Variants in MYT1L observed in about 807,000 individuals in gnomAD.
MYT1L encodes the protein myelin transcription factor 1-like protein.
A neutral mutation model predicts 126.7 loss-of-function variants in MYT1L; 12 were observed. That is an observed-to-expected ratio of 0.09 (90% confidence interval 0.06 to 0.15). The LOEUF (loss-of-function observed/expected upper bound fraction) is 0.15. Among genes scored for constraint, MYT1L ranks in the 10% least tolerant of loss-of-function variants. The pLI is 1.00. For missense variants in MYT1L, 979 were observed against 1,585.2 expected (o/e 0.62, Z 6.49); for synonymous variants, 541 against 604.2 (o/e 0.90, Z 1.53).
chr2:2,243,027 G>A (rs1270924747), intron 2 of MYT1L, among the ~76,000 whole-genome samples: 13 of 152,168 alleles, frequency 8.5e-5, no homozygotes, highest in African/African-American at 3.1e-4. Flanking sequence ...CATGGAATAG[G>A]AGGATGGATG....
At position 2,198,222 on chromosome 2, in the gene MYT1L, TAGAG is replaced by T. The variant is rs577588053; in HGVS notation, c.-420-25238_-420-25235del. On this transcript the variant is annotated intron_variant, in intron 2 of 24. Coordinates refer to ENST00000647738, the MANE Select transcript of MYT1L (RefSeq NM_001303052.2). Reference sequence around the variant, plus strand: ...ATAGAGGCTAAAACAGTTGATTTCATAGAGAGCAAAGAATAGAACAGTGGTTACC... The same window carrying T: ...ATAGAGGCTAAAACAGTTGATTTCATAGCAAAGAATAGAACAGTGGTTACC... Among the ~76,000 whole-genome samples the T allele has an allele frequency of 1.7e-4, 26 of 152,062 alleles. No homozygotes were observed. In the South Asian group the frequency reaches 5.4e-3, roughly 32 times the overall value.
chr2:2,105,238 G>A (rs1189127260), intron 3 of MYT1L, among the ~76,000 whole-genome samples: 1 of 152,122 alleles, frequency 6.6e-6, no homozygotes, highest in Non-Finnish European at 1.5e-5. Context: ...CGGCAGCGTG[G>A]ACACCCCCTC....
In MYT1L at chr2:1,848,307, T is replaced by C. The variant is rs11127310; in HGVS notation, c.2774+3334A>G. Among the ~76,000 whole-genome samples, 5 of 50,332 alleles carry C rather than the reference T, an allele frequency of 9.9e-5. No homozygotes were observed. Among genetic ancestry groups the C allele is most frequent in the East Asian group, 1.7e-3 (1 of 590 alleles). The allele number at this position is 50,332 out of a possible 152,430, so 33.0% of individuals were successfully genotyped here. On this transcript the variant is annotated intron_variant, in intron 19 of 24. Transcript: ENST00000647738. The surrounding 1 kb of genome is among the most constrained non-coding windows in gnomAD (Gnocchi z 4.8). ...CCACGGAAGCGCGAGGCATTTGTCC[T>C]GGGAGCAGGAGGAAGAATTCCAGAC...
At chr2:2,236,998 G>C (rs1036400875) in intron 2 of MYT1L, among the ~76,000 whole-genome samples, 4 of 151,918 alleles carry the variant, frequency 2.6e-5, no homozygotes, top group African/African-American at 9.7e-5. Flanking sequence ...ACTATTAGTA[G>C]AGATGGGGTT....
chr2:2,005,169 T>C (rs2063092195), intron 4 of MYT1L, among the ~76,000 whole-genome samples: 1 of 151,020 alleles, frequency 6.6e-6, no homozygotes, highest in Non-Finnish European at 1.5e-5. Context: ...CCTGCATATG[T>C]TCTTTCCTGC....
intron 2 of MYT1L, among the ~76,000 whole-genome samples, chr2:2,271,653 G>T (rs544701085): frequency 1.3e-5 from 2 of 152,198 alleles, no homozygotes; most frequent in Non-Finnish European, 2.9e-5. Context: ...TCTAGAAGGA[G>T]GAAGTGCAAC....
At position 1,948,905 on chromosome 2, in the gene MYT1L, T is replaced by C. The variant is rs539048979; in HGVS notation, c.153-5571A>G. Among the ~76,000 whole-genome samples the C allele has an allele frequency of 5.3e-5, 8 of 152,338 alleles. No homozygotes were observed. The South Asian group carries it at 1.7e-3, about 32-fold the overall frequency. On this transcript the variant is annotated intron_variant, in intron 8 of 24. Coordinates refer to ENST00000647738, the MANE Select transcript of MYT1L (RefSeq NM_001303052.2). Reference sequence around the variant, plus strand: ...ATCCTCTCCTAGATTTATATCTCTTTTTATGATATAAATCTAAAAAGATAT... The same window carrying C: ...ATCCTCTCCTAGATTTATATCTCTTCTTATGATATAAATCTAAAAAGATAT...
chr2:2,165,268 G>T (rs144506784), intron 3 of MYT1L, among the ~76,000 whole-genome samples: 10 of 151,878 alleles, frequency 6.6e-5, no homozygotes, highest in African/African-American at 2.4e-4. Flanking sequence ...CACCAAGTAC[G>T]GGTGGGGTAC....
chr2:2,150,266 C>T (rs1435354510), intron 3 of MYT1L, among the ~76,000 whole-genome samples: 2 of 152,162 alleles, frequency 1.3e-5, no homozygotes, highest in Admixed American at 1.3e-4. Flanking sequence ...TTATTCTCTA[C>T]CTTCAAGAAG....
chr2:2,224,033 C>T lies in MYT1L; in HGVS notation c.-420-51045G>A, dbSNP rs1396554235. On this transcript the variant is annotated intron_variant, in intron 2 of 24. Transcript: ENST00000647738. The surrounding 1 kb of genome is among the most constrained non-coding windows in gnomAD (Gnocchi z 4.0). ...GGAGTGTGTATGTTGTGTGAGGTAA[C>T]TTTAAGGTGTCCATCTAAATGCAAG... 3.9e-5 allele frequency among the ~76,000 whole-genome samples: 6 copies of T among 152,114 alleles called. No homozygotes were observed. The highest frequency in any genetic ancestry group is 1.3e-4 in the Admixed American group (2 of 15,264).
At chr2:2,287,537 A>T (rs1288391670) in intron 1 of MYT1L, among the ~76,000 whole-genome samples, 2 of 152,226 alleles carry the variant, frequency 1.3e-5, no homozygotes, top group Non-Finnish European at 2.9e-5. Context: ...TGTTGAAAAA[A>T]ATATAAATAC....
chr2:2,213,545 G>A (rs898783056), intron 2 of MYT1L, among the ~76,000 whole-genome samples: 4 of 152,200 alleles, frequency 2.6e-5, no homozygotes, highest in Non-Finnish European at 4.4e-5. Context: ...ACCCAGGGCA[G>A]GGGATGAAGC....
At chr2:1,971,538 C>T (rs1239714803) in intron 8 of MYT1L, among the ~76,000 whole-genome samples, 1 of 152,188 alleles carries the variant, frequency 6.6e-6, no homozygotes, top group East Asian at 1.9e-4. Context: ...CAAGACCAAC[C>T]TGGCCAACAT....
chr2:2,064,963 C>T (rs763724822), intron 3 of MYT1L, among the ~76,000 whole-genome samples: 7 of 152,116 alleles, frequency 4.6e-5, no homozygotes, highest in Admixed American at 6.5e-5. Flanking sequence ...CTTTGAGAGG[C>T]TAAGTTGGGA....
chr2:1,952,950 TCCTC>T (rs140257766), intron 8 of MYT1L, among the ~76,000 whole-genome samples: 16,115 of 93,706 alleles, frequency 0.17, 1,768 homozygotes, highest in East Asian at 0.27. Flanking sequence ...CTTCCCTCCT[TCCTC>T]CCTCCCTCCC....
chr2:2,086,771 T>A (rs1411098617), intron 3 of MYT1L, among the ~76,000 whole-genome samples: 5 of 152,174 alleles, frequency 3.3e-5, no homozygotes, highest in Non-Finnish European at 7.3e-5. Context: ...GAACTTCCCC[T>A]TAGGAAGATT....
chr2:2,101,359 C>T (rs2078051823), intron 3 of MYT1L, among the ~76,000 whole-genome samples: 1 of 152,018 alleles, frequency 6.6e-6, no homozygotes, highest in Admixed American at 6.6e-5. Flanking sequence ...GGCTGCTTAA[C>T]CCTTTGGAAC....
At chr2:1,878,414 T>C (rs185062350) in intron 18 of MYT1L, among the ~76,000 whole-genome samples, 4 of 152,288 alleles carry the variant, frequency 2.6e-5, no homozygotes, top group Admixed American at 1.3e-4. Context: ...GTTTCAGAAA[T>C]GGAATATTCC....
intron 14 of MYT1L, among the ~76,000 whole-genome samples, chr2:1,896,710 A>G (rs562549987): frequency 6.6e-6 from 1 of 152,298 alleles, no homozygotes; most frequent in African/African-American, 2.4e-5. Flanking sequence ...GGGTTGGAGA[A>G]ATACCTCTTG....
Sources: allele counts gnomAD v4.1 joint callset (sites outside exome capture counted in the v4.1 genomes callset), GRCh38; gene constraint gnomAD v4.1.1; non-coding constraint Gnocchi (gnomAD v3.1); transcripts MANE v1.5; gene names NCBI Gene and HGNC (gene_info 2026-07-23, HGNC 2026-07-21).